Variants in NBPF15 observed in about 807,000 individuals in gnomAD.
NBPF15 encodes NBPF member 15.
In NBPF15, 74 loss-of-function variants were observed where a neutral mutation model predicts 62.2. The ratio of observed to expected loss-of-function variants is 1.19; its 90% CI spans 0.99 to 1.44. NBPF15 has a LOEUF of 1.44. Among genes scored for constraint, NBPF15 ranks in the 40% most tolerant of loss-of-function variants. The pLI, the probability that NBPF15 is intolerant of heterozygous loss-of-function variation, is 0.00. For missense variants in NBPF15, 790 were observed against 550.0 expected (o/e 1.44, Z -4.36); for synonymous variants, 244 against 209.7 (o/e 1.16, Z -1.41).
rs1553538572 is a variant in NBPF15, at chr1:144,423,192, A to T, written c.1834T>A (p.Tyr612Asn). ...EVLQDSLDRC[Y>N]STPSMYFEQP... ...TCAAAGTACATTGACGGAGTCGAAT[A>T]ACATCTATCCAGTGAGTCCTGTAAG... Residue 612 changes from tyrosine to asparagine, a missense_variant, in exon 22 of 22, where the codon TAT becomes AAT. By Grantham distance (143) the Tyr-to-Asn change is moderately radical. Transcript: ENST00000581897. 22 of 1,611,630 alleles carry T rather than the reference A, an allele frequency of 1.4e-5. 1 individual carries two copies. The highest frequency in any genetic ancestry group is 1.7e-5 in the Non-Finnish European group (20 of 1,179,606).
At chr1:144,455,353 C>T (rs1363712278) in intron 4 of NBPF15, among the ~76,000 whole-genome samples, 2 of 151,976 alleles carry the variant, frequency 1.3e-5, no homozygotes, top group Non-Finnish European at 2.9e-5. Context: ...GGAACTTACA[C>T]CACCAGTATT....
chr1:144,442,836 G>T (rs2102357124), intron 6 of NBPF15: 2 of 212,294 alleles, frequency 9.4e-6, no homozygotes, highest in South Asian at 9.2e-5. Flanking sequence ...ATGGGGAATT[G>T]ACCGTGGATC....
Position 144,425,575 on chromosome 1 carries a change from T to A in NBPF15, c.1439-7A>T. On this transcript the variant is annotated splice_polypyrimidine_tract_variant and splice_region_variant and intron_variant, in intron 18 of 21. Transcript: ENST00000581897. ...TCTTGGTCCTTTTTAATTCCTGCAA[T>A]ACATTCAGACAGGGACAGACAAAAT... is the stretch of plus-strand genomic sequence containing the variant. The A allele has an allele frequency of 1.8e-6, 1 of 571,084 alleles. No homozygotes were observed. Among genetic ancestry groups the A allele is most frequent in the Non-Finnish European group, 3.1e-6 (1 of 324,714 alleles). The allele number at this position is 571,084 out of a possible 1,614,324, so 35.4% of individuals were successfully genotyped here. A position where few individuals can be genotyped will look rare whatever the true frequency, so the allele number is the denominator to read the frequency against.
rs782213098 is a variant in NBPF15, at chr1:144,423,252, A to T, written c.1774T>A (p.Tyr592Asn). Reference protein sequence around the residue: ...EDDNPPCPRLYGVLMEVEEPE... With the variant: ...EDDNPPCPRLNGVLMEVEEPE... ...TCTTCCACTTCCATCAGCACGCCGTAGAGCCTGGAAAAGGAGACAAAACTA... is the reference window on the plus strand; with the variant it reads ...TCTTCCACTTCCATCAGCACGCCGTTGAGCCTGGAAAAGGAGACAAAACTA... The change falls in exon 22 of 22, where the codon TAC becomes AAC. Residue 592 changes from tyrosine to asparagine, a missense_variant. Transcript: ENST00000581897. 45,301 of 1,604,772 alleles carry T rather than the reference A, an allele frequency of 0.028. 3,364 individuals are homozygous for T. Among genetic ancestry groups the T allele is most frequent in the African/African-American group, 0.24 (17,596 of 73,240 alleles).
chr1:144,451,209 T>C (rs1371305536), intron 4 of NBPF15, among the ~76,000 whole-genome samples: 4 of 151,876 alleles, frequency 2.6e-5, no homozygotes, highest in Non-Finnish European at 5.9e-5. Context: ...TGCTGTGCTT[T>C]TGATGTGCAT....
At chr1:144,456,208 G>C (rs1473773032) in intron 4 of NBPF15, among the ~76,000 whole-genome samples, 1 of 148,002 alleles carries the variant, frequency 6.8e-6, no homozygotes, top group Admixed American at 6.7e-5. Context: ...GTGGAAACAA[G>C]AGACGGAAAT....
At chr1:144,453,296 A>C (rs1195848898) in intron 4 of NBPF15, among the ~76,000 whole-genome samples, 4 of 151,720 alleles carry the variant, frequency 2.6e-5, no homozygotes, top group African/African-American at 9.7e-5. Flanking sequence ...CAAAAAAATA[A>C]ATAAATCCAG....
chr1:144,439,911 C>G lies in NBPF15; in HGVS notation c.93G>C (p.Lys31Asn), dbSNP rs1365059255. ...NEKLRPQLAEKKQQFRNLKEK... is the reference protein window; with the variant it reads ...NEKLRPQLAENKQQFRNLKEK... Reference sequence around the variant, plus strand: ...CTTTGAGGTTTCTGAACTGCTGTTTCTTCTCTGCCAACTGGGGGCGCAATT... The same window carrying G: ...CTTTGAGGTTTCTGAACTGCTGTTTGTTCTCTGCCAACTGGGGGCGCAATT... Residue 31 changes from lysine (K) to asparagine (N), a missense_variant, in exon 8 of 22, where the codon AAG becomes AAC. Lys to Asn is a moderately conservative substitution (Grantham distance 94). Transcript: ENST00000581897. 42 of 1,611,492 alleles carry G rather than the reference C, an allele frequency of 2.6e-5. No individual in the cohort carries two copies. Among genetic ancestry groups the G allele is most frequent in the African/African-American group, 2.3e-4 (17 of 74,804 alleles).
intron 8 of NBPF15, among the ~76,000 whole-genome samples, chr1:144,438,983 C>T (rs1553541961): frequency 1.3e-5 from 2 of 151,410 alleles, no homozygotes; most frequent in Admixed American, 6.6e-5. Flanking sequence ...TTTTATTTAT[C>T]ATTATTATTA....
chr1:144,455,206 C>T (rs1553546591), intron 4 of NBPF15, among the ~76,000 whole-genome samples: 2 of 124,950 alleles, frequency 1.6e-5, no homozygotes, highest in South Asian at 2.5e-4. Context: ...GGAGGGAAGG[C>T]AGAAGGGAAG....
At chr1:144,423,658 G>A (rs1667401632) in intron 21 of NBPF15, among the ~76,000 whole-genome samples, 1 of 152,034 alleles carries the variant, frequency 6.6e-6, no homozygotes, top group Non-Finnish European at 1.5e-5. Context: ...TACAGCTTTT[G>A]AAGTATGGTC....
chr1:144,440,241 A>T lies in NBPF15; in HGVS notation c.-136T>A, dbSNP rs1681769064. 6.6e-7 allele frequency: 1 copy of T among 1,518,944 alleles called. No homozygotes were observed. The highest frequency in any genetic ancestry group is 2.4e-5 in the East Asian group (1 of 41,070). The allele number at this position is 1,518,944 out of a possible 1,614,324, so 94.1% of individuals were successfully genotyped here. On this transcript the variant is annotated 5_prime_UTR_variant, in exon 7 of 22. Coordinates refer to ENST00000581897, the MANE Select transcript of NBPF15 (RefSeq NM_001385408.1). ...ACTCAGAGCTGAAAGCACTGTCAGTAGCGCAGACTCTGATAAGAGTGAGGT... is the reference window on the plus strand; with the variant it reads ...ACTCAGAGCTGAAAGCACTGTCAGTTGCGCAGACTCTGATAAGAGTGAGGT...
At chr1:144,427,161 A>G (rs1309881940) in intron 16 of NBPF15, 63 bp from the exon 17 acceptor site, 1 of 562,542 alleles carries the variant, frequency 1.8e-6, no homozygotes, top group South Asian at 2.0e-5. Context: ...ATAACAATCC[A>G]CTGTCTAATC....
intron 6 of NBPF15, among the ~76,000 whole-genome samples, chr1:144,447,232 C>G (rs1688226963): frequency 6.6e-6 from 1 of 152,254 alleles, no homozygotes; most frequent in Admixed American, 6.5e-5. Flanking sequence ...CCTTTACACG[C>G]ACGCCGCTGT....
chr1:144,455,640 C>T (rs1217597711), intron 4 of NBPF15, among the ~76,000 whole-genome samples: 1 of 152,034 alleles, frequency 6.6e-6, no homozygotes, highest in Non-Finnish European at 1.5e-5. Context: ...GGGCCTCAGC[C>T]CCTGGGTCTG....
At chr1:144,444,677 G>A (rs1200002503) in intron 6 of NBPF15, among the ~76,000 whole-genome samples, 1 of 151,834 alleles carries the variant, frequency 6.6e-6, no homozygotes, top group African/African-American at 2.4e-5. Flanking sequence ...TAGCTTAGAA[G>A]GTACATTAGC....
At chr1:144,442,146 TA>T (rs1451393923) in intron 6 of NBPF15, among the ~76,000 whole-genome samples, 97 of 7,594 alleles carry the variant, frequency 0.013, 2 homozygotes, top group African/African-American at 0.027. Flanking sequence ...TATATATATA[TA>T]ATATATATAC....
chr1:144,447,992 T>G (rs1688786226), intron 6 of NBPF15, among the ~76,000 whole-genome samples: 1 of 152,042 alleles, frequency 6.6e-6, no homozygotes, highest in Non-Finnish European at 1.5e-5. Flanking sequence ...GGCTGCTCAT[T>G]TGTCCAGACA....
rs782637922 is a variant in NBPF15 at position 144,427,867 on chromosome 1, G to T, written c.1164C>A (p.Ala388=). 2 of 675,278 alleles carry T rather than the reference G, an allele frequency of 3.0e-6. No homozygotes were observed. Among genetic ancestry groups the T allele is most frequent in the Non-Finnish European group, 5.4e-6 (2 of 370,520 alleles). The allele number at this position is 675,278 out of a possible 1,614,324, so 41.8% of individuals were successfully genotyped here. ...CACGCTGTTGCTCCAATACGTAAAA[G>T]GCACTTCTGTAGGGCTGGCATGAGT... ...LTDSCQPYRS[A]FYVLEQQRVG... Residue 388 remains alanine (A), a synonymous_variant, in exon 16 of 22, where the codon GCC becomes GCA. Coordinates refer to ENST00000581897, the MANE Select transcript of NBPF15 (RefSeq NM_001385408.1).
Sources: allele counts gnomAD v4.1 joint callset (sites outside exome capture counted in the v4.1 genomes callset), GRCh38; gene constraint gnomAD v4.1.1; transcripts MANE v1.5; gene names NCBI Gene and HGNC (gene_info 2026-07-23, HGNC 2026-07-21).